The following WDR62 variants were observed in gnomAD, a reference collection of about 807,000 sequenced individuals.
WDR62 encodes WD repeat domain 62.
WDR62 carries 112 observed loss-of-function variants against 160.6 expected under a neutral mutation model. The observed-to-expected ratio is 0.70, with a 90% CI of 0.60 to 0.82. The LOEUF (loss-of-function observed/expected upper bound fraction) is 0.82. Ranked by LOEUF, WDR62 falls within the 40% of genes least tolerant of loss-of-function variation. The probability of loss-of-function intolerance (pLI) is 0.00; values close to 1 mark genes in which losing one functional copy is unlikely to be tolerated. For missense variants in WDR62, 1,819 were observed against 1,983.8 expected, an observed-to-expected ratio of 0.92 and a Z score of 1.58; for synonymous variants, 792 against 815.1, an observed-to-expected ratio of 0.97 and a Z score of 0.48.
chr19:36,066,087 C>A, intron 4 of WDR62, 72 bp downstream of exon 4: 1 of 1,586,818 alleles, frequency 6.3e-7, no homozygotes, highest in Non-Finnish European at 8.6e-7. Flanking sequence ...CTGCTCCCGG[C>A]AGGCCTGGGA....
chr19:36,070,320 A>C (rs1348879190), intron 7 of WDR62: 1 of 151,972 alleles, frequency 6.6e-6, no homozygotes, highest in Non-Finnish European at 1.5e-5. Flanking sequence ...CACCACGCAC[A>C]GCTAATTTTT....
At position 36,089,136 on chromosome 19, in the gene WDR62, G is replaced by A. The variant is rs75102449; in HGVS notation, c.1836+31G>A. The A allele has an allele frequency of 1.3e-3, 2,166 of 1,613,604 alleles. 32 individuals are homozygous for A. The African/African-American group carries it at 0.026, about 20-fold the overall frequency. ...GTGGCATGGCCTCCTTGGGGGCTGGGGTGGGGGGTTGTCGGGGCATTCTCT... is the reference window on the plus strand; with the variant it reads ...GTGGCATGGCCTCCTTGGGGGCTGGAGTGGGGGGTTGTCGGGGCATTCTCT... On this transcript the variant is annotated intron_variant, in intron 14 of 31. Coordinates refer to ENST00000401500, the MANE Select transcript of WDR62 (RefSeq NM_001083961.2).
downstream of WDR62, among the ~76,000 whole-genome samples, chr19:36,105,808 C>G (rs1973699403): frequency 6.6e-6 from 1 of 152,116 alleles, no homozygotes; most frequent in Admixed American, 6.6e-5. Context: ...AAGCGATTCT[C>G]CTGCCTCAGC....
At chr19:36,102,175 C>T (rs1973398418) in intron 26 of WDR62, 24 bp downstream of exon 26, 1 of 1,613,716 alleles carries the variant, frequency 6.2e-7, no homozygotes, top group Non-Finnish European at 8.5e-7. Context: ...TCACCCACAC[C>T]TGCCGAGGCC....
intron 7 of WDR62, among the ~76,000 whole-genome samples, 199 bp downstream of exon 7, chr19:36,068,209 G>A (rs1385342904): frequency 1.3e-5 from 2 of 152,304 alleles, no homozygotes; most frequent in East Asian, 3.9e-4. Flanking sequence ...AGGAAGTCAC[G>A]TGAGATAACA....
rs1164344773 is a variant in WDR62 at position 36,103,983 on chromosome 19, T to C, written c.4153+2T>C. 6.3e-7 allele frequency: 1 copy of C among 1,597,468 alleles called. No individual in the cohort carries two copies. Among genetic ancestry groups the C allele is most frequent in the Non-Finnish European group, 8.5e-7 (1 of 1,179,814 alleles). The stretch of plus-strand genomic sequence containing the variant: ...CCTCCCTCCTGGAGCCCACCTCCGG[T>C]GAGTACAGCCCTGGAGCAAGGACTG... On this transcript the variant is annotated splice_donor_variant, in intron 30 of 31. Transcript: ENST00000401500. LOFTEE classifies it high-confidence loss of function.
chr19:36,058,255 G>A (rs1970465824), intron 1 of WDR62, among the ~76,000 whole-genome samples: 1 of 152,184 alleles, frequency 6.6e-6, no homozygotes, highest in African/African-American at 2.4e-5. Flanking sequence ...AGGAGGCTGA[G>A]GCAGGAGAAT....
intron 9 of WDR62, among the ~76,000 whole-genome samples, chr19:36,077,276 C>CTTCCT (rs1555715432): frequency 3.4e-5 from 3 of 87,144 alleles, no homozygotes; most frequent in African/African-American, 4.8e-5. Context: ...TCCTTCCTTC[C>CTTCCT]TTTTTTTTTT....
At position 36,091,387 on chromosome 19, in the gene WDR62, C is replaced by T. The variant is rs977578532; in HGVS notation, c.2147-15C>T. Reference sequence around the variant, plus strand: ...GACTCCGAAGGCAAGTGCAGCCTCTCTGCTTTGTTTGCAGAAATTATTACC... The same window carrying T: ...GACTCCGAAGGCAAGTGCAGCCTCTTTGCTTTGTTTGCAGAAATTATTACC... On this transcript the variant is annotated splice_polypyrimidine_tract_variant and intron_variant, in intron 17 of 31. Coordinates refer to ENST00000401500, the MANE Select transcript of WDR62 (RefSeq NM_001083961.2). 2 of 1,551,836 alleles carry T rather than the reference C, an allele frequency of 1.3e-6. No individual in the cohort carries two copies. The highest frequency in any genetic ancestry group is 1.8e-6 in the Non-Finnish European group (2 of 1,137,536).
chr19:36,097,213 T>C lies in WDR62; in HGVS notation c.2520+134T>C, dbSNP rs563320820. 2.9e-4 allele frequency: 238 copies of C among 829,682 alleles called. No individual in the cohort carries two copies. In the African/African-American group the frequency reaches 3.8e-3, roughly 13 times the overall value. 51.4% of individuals were successfully genotyped at this position (829,682 alleles called of 1,614,324 possible). A position where few individuals can be genotyped will look rare whatever the true frequency, so the allele number is the denominator to read the frequency against. The stretch of plus-strand genomic sequence containing the variant: ...AGCCCTGTCATCCTTCCAGGCTCAG[T>C]GAGACAGCCCTTTGTTCATGATCAG... On this transcript the variant is annotated intron_variant, in intron 21 of 31. Coordinates refer to ENST00000401500, the MANE Select transcript of WDR62 (RefSeq NM_001083961.2).
At chr19:36,102,637 A>G (rs1973436784) in intron 26 of WDR62, 100 bp from the exon 27 acceptor site, 3 of 975,136 alleles carry the variant, frequency 3.1e-6, no homozygotes, top group African/African-American at 3.2e-5. Context: ...GTCTGTACAT[A>G]AGGGTTTCTG....
chr19:36,078,570 C>T (rs1971712296), intron 9 of WDR62, among the ~76,000 whole-genome samples: 1 of 151,732 alleles, frequency 6.6e-6, no homozygotes, highest in Non-Finnish European at 1.5e-5. Context: ...CGTGGTGGCT[C>T]ACGTCGGTAA....
intron 30 of WDR62, 93 bp downstream of exon 30, chr19:36,104,074 G>A (rs751712082): frequency 1.2e-5 from 18 of 1,486,732 alleles, no homozygotes; most frequent in East Asian, 4.5e-5. Context: ...CCTGGCCACA[G>A]GGACTGTGCC....
chr19:36,070,233 A>C (rs868779532), intron 7 of WDR62: 5 of 146,314 alleles, frequency 3.4e-5, no homozygotes, highest in African/African-American at 1.3e-4. Context: ...ATCTCAGCTC[A>C]CTACAAGTTC....
intron 9 of WDR62, chr19:36,075,987 A>G (rs1019244023): frequency 3.3e-5 from 5 of 152,154 alleles, no homozygotes; most frequent in African/African-American, 1.2e-4. Context: ...CCTATCCTCT[A>G]AAGGTAACTA....
At chr19:36,086,981 C>T (rs918630916) in intron 13 of WDR62, among the ~76,000 whole-genome samples, 169 bp downstream of exon 13, 2 of 152,184 alleles carry the variant, frequency 1.3e-5, no homozygotes, top group Non-Finnish European at 2.9e-5. Context: ...CACCTGTAAT[C>T]CCAACACTTT....
At position 36,058,742 on chromosome 19, in the gene WDR62, T is replaced by G. The variant is rs547108430; in HGVS notation, c.178-38T>G. ...GGCGGCTGCACCATGTGGTGCTGGC[T>G]AGGGTGGGTGCCTCTGACTTGGGCT... On this transcript the variant is annotated intron_variant, in intron 1 of 31. Coordinates refer to ENST00000401500, the MANE Select transcript of WDR62 (RefSeq NM_001083961.2). 1.1e-5 allele frequency: 17 copies of G among 1,569,924 alleles called. No individual in the cohort carries two copies. In the African/African-American group the frequency reaches 1.6e-4, roughly 15 times the overall value.
rs1396241893 is a variant in WDR62 at position 36,084,695 on chromosome 19, G to A, written c.1593G>A (p.Glu531=). The change falls in exon 12 of 32, where the codon GAG becomes GAA. Residue 531 remains glutamate, a synonymous_variant. Transcript: ENST00000401500. ...TCATGGACGAGCTGGTCAAGGTGGA[G>A]GCCCATGATGCTGAGGTGCTGTGCC... is the stretch of plus-strand genomic sequence containing the variant. ...LHFMDELVKV[E]AHDAEVLCLE... is the part of the protein sequence containing the mutation. 1.2e-6 allele frequency: 2 copies of A among 1,613,938 alleles called. No individual in the cohort carries two copies. The highest frequency in any genetic ancestry group is 8.5e-7 in the Non-Finnish European group (1 of 1,180,010).
chr19:36,103,789 G>A lies in WDR62; in HGVS notation c.3961G>A (p.Val1321Ile), dbSNP rs759575649. 2.4e-5 allele frequency: 39 copies of A among 1,609,578 alleles called. No homozygotes were observed. The highest frequency in any genetic ancestry group is 9.3e-5 in the African/African-American group (7 of 74,916). The change falls in exon 30 of 32, where the codon GTC (valine) becomes ATC (isoleucine). Residue 1321 changes from valine (V) to isoleucine (I), a missense_variant. This residue lies in a region of WDR62 where 770 missense variants were observed against 734.2 expected (regional missense o/e 1.05). Coordinates refer to ENST00000401500, the MANE Select transcript of WDR62 (RefSeq NM_001083961.2). ...PPVDTQPGVTVPAVSFPAPSP... is the reference protein window; with the variant it reads ...PPVDTQPGVTIPAVSFPAPSP... ...CGTGGATACCCAGCCTGGCGTCACC[G>A]TCCCTGCAGTGAGCTTCCCAGCCCC...
Sources: allele counts gnomAD v4.1 joint callset (sites outside exome capture counted in the v4.1 genomes callset), GRCh38; gene constraint gnomAD v4.1.1; regional missense constraint gnomAD v4.1.1; transcripts MANE v1.5; gene names NCBI Gene and HGNC (gene_info 2026-07-23, HGNC 2026-07-21).